HSBP1: variants seen among roughly 807,000 people sequenced by gnomAD.
HSBP1 encodes heat shock factor-binding protein 1.
In HSBP1, 5 loss-of-function variants were observed where a neutral mutation model predicts 9.6. That is an observed-to-expected ratio of 0.52 (90% CI 0.27 to 1.09). The LOEUF (loss-of-function observed/expected upper bound fraction) is 1.09, where lower values mean the gene tolerates loss of function less well. Among genes scored for constraint, HSBP1 ranks in the 50% least tolerant of loss-of-function variants. HSBP1 has a pLI of 0.11. For missense variants in HSBP1, 121 were observed against 96.3 expected, an observed-to-expected ratio of 1.26 and a Z score of -1.07; for synonymous variants, 42 against 33.3, an observed-to-expected ratio of 1.26 and a Z score of -0.90.
At chr16:83,809,278 G>T (rs988499448) in intron 2 of HSBP1, 27 bp from the exon 3 acceptor site, 2 of 1,378,268 alleles carry the variant, frequency 1.5e-6, no homozygotes, top group African/African-American at 1.4e-5. Flanking sequence ...ATGAGATGTT[G>T]GCACGCGTTG....
At position 83,816,695 on chromosome 16, in the gene HSBP1, C is replaced by G. The variant is rs1372007155; in HGVS notation, c.*5277C>G. ...AAACCAGGGATGCTGCGTCAACACC[C>G]TACCATGCACAGGACAACCCTCACC... On this transcript the variant is annotated 3_prime_UTR_variant, in exon 4 of 4. Transcript: ENST00000433866. 6.6e-6 allele frequency: 1 copy of G among 152,126 alleles called. No individual in the cohort carries two copies. Among genetic ancestry groups the G allele is most frequent in the East Asian group, 1.9e-4 (1 of 5,174 alleles). 9.4% of individuals were successfully genotyped at this position (152,126 alleles called of 1,614,324 possible).
rs1904513621 is a variant in HSBP1 at position 83,808,423 on chromosome 16, C to A, written c.46-257C>A. The A allele has an allele frequency of 7.0e-6, 4 of 569,326 alleles. No homozygotes were observed. In the African/African-American group the frequency reaches 7.6e-5, roughly 11 times the overall value. 35.3% of individuals were successfully genotyped at this position (569,326 alleles called of 1,614,324 possible). ...CCTCCCCGCCCTTCAACTCCTCACA[C>A]ACCCCCGGGTGCCCCAGCCCGGCAG... On this transcript the variant is annotated intron_variant, in intron 1 of 3. Transcript: ENST00000433866.
chr16:83,809,010 T>C, intron 2 of HSBP1: 1 of 548,986 alleles, frequency 1.8e-6, no homozygotes, highest in South Asian at 2.5e-5. Context: ...CGCTTTTGTG[T>C]GTGTCTTTTG....
Position 83,819,507 on chromosome 16 carries a change from G to C in HSBP1, c.*8089G>C, listed in dbSNP as rs1904793714. On this transcript the variant is annotated 3_prime_UTR_variant, in exon 4 of 4. Transcript: ENST00000433866. ...CTAAGCCCGAGGAACTGAGCGTGAA[G>C]AGCCCTGACGCCATGAAGACTTGAA... 1 of 152,118 alleles carries C rather than the reference G, an allele frequency of 6.6e-6. No individual in the cohort carries two copies. Among genetic ancestry groups the C allele is most frequent in the Non-Finnish European group, 1.5e-5 (1 of 68,026 alleles). 9.4% of individuals were successfully genotyped at this position (152,118 alleles called of 1,614,324 possible). A position where few individuals can be genotyped will look rare whatever the true frequency, so the allele number is the denominator to read the frequency against.
rs972778181 is a variant in HSBP1 at position 83,818,975 on chromosome 16, G to A, written c.*7557G>A. 2.0e-5 allele frequency: 3 copies of A among 152,142 alleles called. No homozygotes were observed. The highest frequency in any genetic ancestry group is 2.9e-5 in the Non-Finnish European group (2 of 68,032). The allele number at this position is 152,142 out of a possible 1,614,324, so 9.4% of individuals were successfully genotyped here. On this transcript the variant is annotated 3_prime_UTR_variant, in exon 4 of 4. Transcript: ENST00000433866. ...ACGTGCTGGAAATGTAGATCCCCAG[G>A]CCCTACCTAGCCCTACTGAATCAGA...
intron 3 of HSBP1, 57 bp downstream of exon 3, chr16:83,809,482 TTTTGACACGGAG>T: frequency 1.1e-6 from 1 of 909,986 alleles, no homozygotes. Context: ...TTTTTTTTTT[TTTTGACACGGAG>T]TTTTGCTCTT....
chr16:83,808,262 C>T (rs1904507953), intron 1 of HSBP1, 141 bp downstream of exon 1: 1 of 740,054 alleles, frequency 1.4e-6, no homozygotes, highest in Non-Finnish European at 2.1e-6. Context: ...CTGGCCGAGG[C>T]TCCCGGCCAC....
Position 83,813,123 on chromosome 16 carries a change from T to C in HSBP1, c.*1705T>C, listed in dbSNP as rs956145873. 2 of 152,030 alleles carry C rather than the reference T, an allele frequency of 1.3e-5. No individual in the cohort carries two copies. Among genetic ancestry groups the C allele is most frequent in the African/African-American group, 4.8e-5 (2 of 41,300 alleles). The allele number at this position is 152,030 out of a possible 1,614,324, so 9.4% of individuals were successfully genotyped here. A position where few individuals can be genotyped will look rare whatever the true frequency, so the allele number is the denominator to read the frequency against. On this transcript the variant is annotated 3_prime_UTR_variant, in exon 4 of 4. Coordinates refer to ENST00000433866, the MANE Select transcript of HSBP1 (RefSeq NM_001537.4). ...CCAAGGCAAAGCAGGAGAGGGGGTG[T>C]TGGGGGAGGTTGCCTGCTGGAAGGG...
intron 3 of HSBP1, 37 bp downstream of exon 3, chr16:83,809,462 CTTTTTTT>C (rs34576085): frequency 1.5e-3 from 616 of 407,772 alleles, no homozygotes; most frequent in East Asian, 5.0e-3. Flanking sequence ...CTTTTCTTTT[CTTTTTTT>C]TTTTTTTTTT....
At position 83,809,440 on chromosome 16, in the gene HSBP1, A is replaced by C. The variant is rs1379171289; in HGVS notation, c.*2+15A>C. 4.0e-6 allele frequency: 5 copies of C among 1,248,656 alleles called. No homozygotes were observed. Among genetic ancestry groups the C allele is most frequent in the Middle Eastern group, 2.6e-4 (1 of 3,918 alleles). 77.3% of individuals were successfully genotyped at this position (1,248,656 alleles called of 1,614,324 possible). A position where few individuals can be genotyped will look rare whatever the true frequency, so the allele number is the denominator to read the frequency against. On this transcript the variant is annotated intron_variant, in intron 3 of 3. Transcript: ENST00000433866. ...AAGAGTTGAAGGTGAGGAAGGGGGC[A>C]ATTTTTTTTTTCTTTTCTTTTCTTT...
rs1190829890 is a variant in HSBP1, at chr16:83,817,595, T to C, written c.*6177T>C. On this transcript the variant is annotated 3_prime_UTR_variant, in exon 4 of 4. Coordinates refer to ENST00000433866, the MANE Select transcript of HSBP1 (RefSeq NM_001537.4). ...CCATTTGTAAACCATTGCTGTAGTTTTATTACCTCTTACCTTGGTCTTTAC... is the reference window on the plus strand; with the variant it reads ...CCATTTGTAAACCATTGCTGTAGTTCTATTACCTCTTACCTTGGTCTTTAC... 1 of 152,236 alleles carries C rather than the reference T, an allele frequency of 6.6e-6. No homozygotes were observed. Among genetic ancestry groups the C allele is most frequent in the African/African-American group, 2.4e-5 (1 of 41,464 alleles). 9.4% of individuals were successfully genotyped at this position (152,236 alleles called of 1,614,324 possible).
chr16:83,809,535 C>T, intron 3 of HSBP1, 110 bp downstream of exon 3: 1 of 579,216 alleles, frequency 1.7e-6, no homozygotes. Flanking sequence ...ATGGCACGAT[C>T]TCGGCTCCCT....
rs1035462215 is a variant in HSBP1 at position 83,818,312 on chromosome 16, C to G, written c.*6894C>G. ...AATCTGTGACCCAACTTTGTCTTCCCCATGATGAAAAACAGACCCCATAGA... is the reference window on the plus strand; with the variant it reads ...AATCTGTGACCCAACTTTGTCTTCCGCATGATGAAAAACAGACCCCATAGA... On this transcript the variant is annotated 3_prime_UTR_variant, in exon 4 of 4. Coordinates refer to ENST00000433866, the MANE Select transcript of HSBP1 (RefSeq NM_001537.4). The G allele has an allele frequency of 6.6e-6, 1 of 152,118 alleles. No individual in the cohort carries two copies. The highest frequency in any genetic ancestry group is 1.5e-5 in the Non-Finnish European group (1 of 68,034). 9.4% of individuals were successfully genotyped at this position (152,118 alleles called of 1,614,324 possible). A position where few individuals can be genotyped will look rare whatever the true frequency, so the allele number is the denominator to read the frequency against.
In HSBP1 at chr16:83,811,956, C is replaced by T. The variant is rs1192138684; in HGVS notation, c.*538C>T. On this transcript the variant is annotated 3_prime_UTR_variant, in exon 4 of 4. Transcript: ENST00000433866. ...GTTCATTCAGAAATATCTGTCACTG[C>T]TCTGTTGCCAAAACTCAGAATAGAA... 6.6e-6 allele frequency: 1 copy of T among 152,604 alleles called. No homozygotes were observed. The highest frequency in any genetic ancestry group is 1.5e-5 in the Non-Finnish European group (1 of 68,044). The allele number at this position is 152,604 out of a possible 1,614,324, so 9.5% of individuals were successfully genotyped here. A position where few individuals can be genotyped will look rare whatever the true frequency, so the allele number is the denominator to read the frequency against.
rs149427444 is a variant in HSBP1 at position 83,814,605 on chromosome 16, A to G, written c.*3187A>G. ...TCTCAGCTGTCCAGGCTGTCTGGAA[A>G]TCATCAGCCCCACTGGCTGGATCTC... On this transcript the variant is annotated 3_prime_UTR_variant, in exon 4 of 4. Coordinates refer to ENST00000433866, the MANE Select transcript of HSBP1 (RefSeq NM_001537.4). 4 of 152,380 alleles carry G rather than the reference A, an allele frequency of 2.6e-5. No homozygotes were observed. Among genetic ancestry groups the G allele is most frequent in the Admixed American group, 6.5e-5 (1 of 15,306 alleles). 9.4% of individuals were successfully genotyped at this position (152,380 alleles called of 1,614,324 possible).
intron 1 of HSBP1, chr16:83,808,414 C>T: frequency 1.8e-6 from 1 of 566,286 alleles, no homozygotes. Flanking sequence ...CGCCCTTCAA[C>T]TCCTCACACA....
In HSBP1 at chr16:83,808,750, T is replaced by C. The variant is rs926595280; in HGVS notation, c.112+4T>C. The stretch of plus-strand genomic sequence containing the variant: ...TCTGACCAGATCATTGGGAGAAATA[T>C]CCTTTTTATCTGCAGTCGGCCTCCT... On this transcript the variant is annotated splice_donor_region_variant and intron_variant, in intron 2 of 3. Coordinates refer to ENST00000433866, the MANE Select transcript of HSBP1 (RefSeq NM_001537.4). 5 of 1,605,994 alleles carry C rather than the reference T, an allele frequency of 3.1e-6. No homozygotes were observed. The highest frequency in any genetic ancestry group is 1.3e-5 in the African/African-American group (1 of 74,812).
chr16:83,811,835 T>C lies in HSBP1; in HGVS notation c.*417T>C, dbSNP rs1904607862. The C allele has an allele frequency of 6.6e-6, 1 of 152,252 alleles. No individual in the cohort carries two copies. The highest frequency in any genetic ancestry group is 1.5e-5 in the Non-Finnish European group (1 of 68,044). The allele number at this position is 152,252 out of a possible 1,614,324, so 9.4% of individuals were successfully genotyped here. A position where few individuals can be genotyped will look rare whatever the true frequency, so the allele number is the denominator to read the frequency against. The stretch of plus-strand genomic sequence containing the variant: ...GGTGAAGTAAGATGTTTGTAGACTT[T>C]AGAGTTCTTTAATTCTTGGCACAAC... On this transcript the variant is annotated 3_prime_UTR_variant, in exon 4 of 4. Coordinates refer to ENST00000433866, the MANE Select transcript of HSBP1 (RefSeq NM_001537.4).
chr16:83,812,266 C>T lies in HSBP1; in HGVS notation c.*848C>T, dbSNP rs1904617521. On this transcript the variant is annotated 3_prime_UTR_variant, in exon 4 of 4. Transcript: ENST00000433866. ...AAAGAAAGAGAGAAGGAAAAGAGACCATATTAAGTCCATGCCAGTTGCTTG... is the reference window on the plus strand; with the variant it reads ...AAAGAAAGAGAGAAGGAAAAGAGACTATATTAAGTCCATGCCAGTTGCTTG... 6.6e-6 allele frequency: 1 copy of T among 152,570 alleles called. No individual in the cohort carries two copies. 9.5% of individuals were successfully genotyped at this position (152,570 alleles called of 1,614,324 possible).
Sources: gnomAD v4.1 joint callset for allele counts on GRCh38, gnomAD v4.1.1 for gene constraint, MANE v1.5 for transcripts, NCBI Gene and HGNC (gene_info 2026-07-23, HGNC 2026-07-21) for gene names.